Variants in DST observed in about 807,000 individuals in gnomAD.
DST encodes the protein dystonin.
Under a neutral mutation model 875.2 loss-of-function variants are expected in DST, and 253 were observed. The observed-to-expected ratio is 0.29, with a 90% CI of 0.26 to 0.32. The LOEUF (loss-of-function observed/expected upper bound fraction) is 0.32, where lower values mean the gene tolerates loss of function less well. DST is among the 10% of genes least tolerant of loss of function. The pLI, the probability that DST is intolerant of heterozygous loss-of-function variation, is 1.00. For synonymous variants in DST, 3,124 were observed against 3,197.1 expected, an observed-to-expected ratio of 0.98 and a Z score of 0.77; for missense variants, 8,287 against 9,111.6, an observed-to-expected ratio of 0.91 and a Z score of 3.68.
At chr6:56,648,479 T>C (rs1018613882) in intron 13 of DST, 91 bp downstream of exon 13, 57 of 1,307,370 alleles carry the variant, frequency 4.4e-5, no homozygotes, top group Non-Finnish European at 5.3e-5. Flanking sequence ...GGGCAACTTT[T>C]GTTGAACTTC....
At chr6:56,856,743 GTTGT>G (rs1768064406) in intron 3 of DST, among the ~76,000 whole-genome samples, 2 of 152,266 alleles carry the variant, frequency 1.3e-5, no homozygotes, top group East Asian at 3.9e-4. Flanking sequence ...ATGGAACTGG[GTTGT>G]TTATTAGACA....
At chr6:56,526,239 T>C (rs2096794826) in intron 69 of DST, 122 bp downstream of exon 69, 6 of 1,096,208 alleles carry the variant, frequency 5.5e-6, no homozygotes, top group Non-Finnish European at 7.7e-6. Flanking sequence ...AAATCCACTC[T>C]TTCATTTTGG....
chr6:56,777,491 T>C (rs1237109242), intron 4 of DST, among the ~76,000 whole-genome samples: 2 of 152,016 alleles, frequency 1.3e-5, no homozygotes, highest in East Asian at 3.8e-4. Context: ...CTGTAAAACT[T>C]ACAGCATGAT....
intron 3 of DST, among the ~76,000 whole-genome samples, chr6:56,890,893 C>A (rs1787075093): frequency 6.6e-6 from 1 of 152,174 alleles, no homozygotes; most frequent in Non-Finnish European, 1.5e-5. Context: ...TTCAAGTAAT[C>A]CTGAATCACC....
intron 10 of DST, among the ~76,000 whole-genome samples, chr6:56,666,760 G>T (rs2099074247): frequency 6.9e-6 from 1 of 144,778 alleles, no homozygotes; most frequent in Non-Finnish European, 1.5e-5. Flanking sequence ...TTTTGAGACA[G>T]GGTCTTGCTC....
intron 4 of DST, among the ~76,000 whole-genome samples, chr6:56,746,749 A>T (rs1365901726): frequency 1.3e-5 from 2 of 152,164 alleles, no homozygotes; most frequent in African/African-American, 4.8e-5. Flanking sequence ...ATTACTATTA[A>T]TAATAACTGT....
rs749218507 is a variant in DST, at chr6:56,604,011, G to A, written c.10617C>T (p.Tyr3539=). Residue 3539 remains tyrosine, a synonymous_variant, in exon 40 of 104, where the codon TAC becomes TAT. Transcript: ENST00000680361. ...LGDIKSKEGN[Y]YSPNLETVKE... ...TTACAGTTTCTAAATTAGGAGAATA[G>A]TAGTTTCCTTCTTTGCTTTTAATAT... 1.2e-6 allele frequency: 2 copies of A among 1,601,360 alleles called. No homozygotes were observed. The highest frequency in any genetic ancestry group is 1.7e-6 in the Non-Finnish European group (2 of 1,172,796).
At chr6:56,814,321 C>T (rs141527692) in intron 4 of DST, among the ~76,000 whole-genome samples, 102 of 152,226 alleles carry the variant, frequency 6.7e-4, no homozygotes, top group African/African-American at 2.3e-3. Flanking sequence ...AAATATGATG[C>T]TATTGCTCAC....
chr6:56,928,284 G>A (rs1333437906), intron 2 of DST, among the ~76,000 whole-genome samples: 6 of 152,114 alleles, frequency 3.9e-5, no homozygotes, highest in Non-Finnish European at 7.3e-5. Context: ...TTAGTACCTC[G>A]TATTGGCAGA....
intron 9 of DST, among the ~76,000 whole-genome samples, chr6:56,675,631 A>G (rs1277061514): frequency 6.6e-6 from 1 of 152,172 alleles, no homozygotes; most frequent in African/African-American, 2.4e-5. Context: ...AGGCAGGCAG[A>G]TCATGAGGTC....
At chr6:56,579,219 C>T (rs201460127) in intron 49 of DST, among the ~76,000 whole-genome samples, 183 of 152,278 alleles carry the variant, frequency 1.2e-3, no homozygotes, top group African/African-American at 4.3e-3. Context: ...TCATACAACC[C>T]TCTAACTTTA....
chr6:56,721,514 A>T (rs934699200), intron 5 of DST, among the ~76,000 whole-genome samples: 5 of 152,190 alleles, frequency 3.3e-5, no homozygotes, highest in Non-Finnish European at 1.5e-5. Context: ...GAACTAATAA[A>T]TGTCCATGAA....
intron 61 of DST, among the ~76,000 whole-genome samples, chr6:56,545,173 T>A (rs2097202619): frequency 6.6e-6 from 1 of 151,910 alleles, no homozygotes; most frequent in Non-Finnish European, 1.5e-5. Context: ...TGGCTAATTT[T>A]AAAAATTTTT....
chr6:56,946,100 C>G (rs1819353461), intron 2 of DST, among the ~76,000 whole-genome samples: 1 of 151,986 alleles, frequency 6.6e-6, no homozygotes, highest in Non-Finnish European at 1.5e-5. Flanking sequence ...AGGCCCAAGA[C>G]AGGGAATATC....
chr6:56,891,565 CAA>C (rs531964301), intron 3 of DST, among the ~76,000 whole-genome samples: 14,487 of 61,822 alleles, frequency 0.23, 696 homozygotes, highest in Middle Eastern at 0.3. Context: ...GACTCCGTCT[CAA>C]AAAAAAAAAA....
rs374401982 is a variant in DST, at chr6:56,606,704, C to T, written c.7924G>A (p.Asp2642Asn). The T allele has an allele frequency of 1.3e-4, 207 of 1,613,478 alleles. No homozygotes were observed. The highest frequency in any genetic ancestry group is 5.8e-4 in the Admixed American group (35 of 59,942). Residue 2642 changes from aspartate (D) to asparagine (N), a missense_variant, in exon 40 of 104, where the codon GAC (aspartate) becomes AAC (asparagine). By Grantham distance (23) the Asp-to-Asn change is conservative (BLOSUM62 1). This residue lies in a region of DST where 3,138 missense variants were observed against 3,116.6 expected (regional missense o/e 1.01). Coordinates refer to ENST00000680361, the MANE Select transcript of DST (RefSeq NM_001374736.1). The part of the protein sequence containing the change: ...DRDCLHPEDY[D>N]TLQEENDETA... ...TCATCATTTTCCTCTTGCAGTGTGT[C>T]GTAGTCCTCAGGGTGCAGGCAATCA...
intron 4 of DST, among the ~76,000 whole-genome samples, chr6:56,805,881 A>C (rs909097000): frequency 2.0e-5 from 3 of 152,240 alleles, no homozygotes; most frequent in Non-Finnish European, 4.4e-5. Flanking sequence ...TTAGTCCCAA[A>C]TACAGACTCT....
intron 5 of DST, among the ~76,000 whole-genome samples, chr6:56,709,801 G>A (rs902002650): frequency 1.2e-4 from 18 of 152,204 alleles, no homozygotes; most frequent in African/African-American, 4.3e-4. Flanking sequence ...CACTCAGGAA[G>A]CTATGAGGAG....
At chr6:56,708,142 T>G (rs1428095892) in intron 5 of DST, among the ~76,000 whole-genome samples, 1 of 152,202 alleles carries the variant, frequency 6.6e-6, no homozygotes, top group Non-Finnish European at 1.5e-5. Context: ...GACATTTTAG[T>G]CCTGCTTCTG....
Sources: allele counts gnomAD v4.1 joint callset (sites outside exome capture counted in the v4.1 genomes callset), GRCh38; gene constraint gnomAD v4.1.1; regional missense constraint gnomAD v4.1.1; transcripts MANE v1.5; gene names NCBI Gene and HGNC (gene_info 2026-07-23, HGNC 2026-07-21).